RNF115: variants seen among roughly 807,000 people sequenced by gnomAD.
RNF115 encodes ring finger protein 115.
Under a neutral mutation model 39.2 loss-of-function variants are expected in RNF115, and 31 were observed. That is an observed-to-expected ratio of 0.79 (90% CI 0.59 to 1.07). The LOEUF (loss-of-function observed/expected upper bound fraction) is 1.07, where lower values mean the gene tolerates loss of function less well. Among genes scored for constraint, RNF115 ranks in the 50% least tolerant of loss-of-function variants. The pLI, the probability that RNF115 is intolerant of heterozygous loss-of-function variation, is 0.00. For synonymous variants in RNF115, 124 were observed against 131.0 expected, an observed-to-expected ratio of 0.95 and a Z score of 0.37; for missense variants, 384 against 381.7, an observed-to-expected ratio of 1.01 and a Z score of -0.05.
At chr1:145,798,444 G>A (rs1403623914) in intron 1 of RNF115, among the ~76,000 whole-genome samples, 6 of 152,160 alleles carry the variant, frequency 3.9e-5, no homozygotes, top group Admixed American at 3.9e-4. Context: ...TCCACAGAGG[G>A]GTCCTAGCAC....
At chr1:145,760,468 G>A (rs1182496553) in intron 4 of RNF115, among the ~76,000 whole-genome samples, 1 of 152,150 alleles carries the variant, frequency 6.6e-6, no homozygotes, top group Admixed American at 6.5e-5. Flanking sequence ...GAGGGACCCT[G>A]GGGGAGGTAA....
intron 5 of RNF115, 32 bp downstream of exon 5, chr1:145,752,946 T>C (rs782599869): frequency 1.0e-5 from 15 of 1,439,140 alleles, no homozygotes; most frequent in South Asian, 5.7e-5. Flanking sequence ...GTCACTCCAA[T>C]AGAGTAAGAT....
In RNF115 at chr1:145,759,002, A is replaced by G; in HGVS notation, c.429-5953T>C. ...TAGAAACTCACAGACGAGAAAAATC[A>G]ACCCACTGGGTCTGGAAGGGAAGTC... On this transcript the variant is annotated intron_variant, in intron 4 of 8. Coordinates refer to ENST00000582693, the MANE Select transcript of RNF115 (RefSeq NM_014455.4). 2.0e-5 allele frequency among the ~76,000 whole-genome samples: 3 copies of G among 152,356 alleles called. No individual in the cohort carries two copies. The Middle Eastern group carries it at 0.01, about 518-fold the overall frequency.
intron 1 of RNF115, among the ~76,000 whole-genome samples, chr1:145,804,484 AATGC>A (rs1159444200): frequency 1.6e-5 from 2 of 128,908 alleles, no homozygotes; most frequent in South Asian, 2.7e-4. Flanking sequence ...GTCCACCTTA[AATGC>A]ATGCATGCAT....
At chr1:145,796,634 G>A (rs1648994242) in intron 1 of RNF115, among the ~76,000 whole-genome samples, 1 of 151,986 alleles carries the variant, frequency 6.6e-6, no homozygotes, top group Non-Finnish European at 1.5e-5. Flanking sequence ...CAATCTGCCT[G>A]CCTCAGCCTC....
intron 1 of RNF115, among the ~76,000 whole-genome samples, chr1:145,814,943 AC>A (rs11318010): frequency 0.41 from 59,313 of 144,490 alleles, 8,910 homozygotes; most frequent in East Asian, 0.61. Flanking sequence ...AAATATAATT[AC>A]TGGGTGTTCA....
intron 1 of RNF115, among the ~76,000 whole-genome samples, chr1:145,803,383 C>T (rs1553721152): frequency 6.6e-6 from 1 of 152,050 alleles, no homozygotes; most frequent in Non-Finnish European, 1.5e-5. Flanking sequence ...TTCACATTCA[C>T]AACCTTTATT....
intron 4 of RNF115, among the ~76,000 whole-genome samples, chr1:145,765,133 C>G (rs1186406500): frequency 6.6e-6 from 1 of 152,182 alleles, no homozygotes; most frequent in African/African-American, 2.4e-5. Context: ...CAACCCTGTG[C>G]TCTCTGAAAC....
chr1:145,785,650 C>G (rs1571751398), intron 2 of RNF115, among the ~76,000 whole-genome samples: 1 of 152,164 alleles, frequency 6.6e-6, no homozygotes, highest in African/African-American at 2.4e-5. Context: ...AGTTCACAAA[C>G]TACTACAAAT....
At chr1:145,748,160 GA>G in intron 7 of RNF115, 50 bp from the exon 8 acceptor site, 1 of 1,309,102 alleles carries the variant, frequency 7.6e-7, no homozygotes, top group Non-Finnish European at 1.1e-6. Context: ...AAGGAAAGAA[GA>G]AAAAACTAAC....
At chr1:145,752,585 C>CTGTTTTT (rs1658131002) in intron 5 of RNF115, among the ~76,000 whole-genome samples, 1 of 83,784 alleles carries the variant, frequency 1.2e-5, no homozygotes, top group African/African-American at 5.7e-5. Flanking sequence ...CTATGCAGCT[C>CTGTTTTT]TTTTTTTTTT....
intron 4 of RNF115, among the ~76,000 whole-genome samples, chr1:145,769,500 C>T (rs1647536718): frequency 6.6e-6 from 1 of 152,044 alleles, no homozygotes; most frequent in Admixed American, 6.5e-5. Context: ...ATAAATAAAA[C>T]ACTACCCTAT....
intron 1 of RNF115, among the ~76,000 whole-genome samples, chr1:145,796,038 A>C (rs1648962717): frequency 6.6e-6 from 1 of 152,198 alleles, no homozygotes; most frequent in Non-Finnish European, 1.5e-5. Flanking sequence ...TCAAAAAACT[A>C]TCTCACTTCC....
At chr1:145,772,624 C>A (rs1341659075) in intron 3 of RNF115, 3 of 152,178 alleles carry the variant, frequency 2.0e-5, no homozygotes, top group African/African-American at 7.2e-5. Flanking sequence ...TTATATTTTA[C>A]AAGTTGCTTC....
Position 145,750,421 on chromosome 1 carries a change from G to A in RNF115, c.653C>T (p.Thr218Ile). The A allele has an allele frequency of 1.9e-6, 3 of 1,612,940 alleles. No individual in the cohort carries two copies. Among genetic ancestry groups the A allele is most frequent in the Non-Finnish European group, 2.5e-6 (3 of 1,179,022 alleles). ...AATGAACCTACCAACTTGTTCCTGA[G>A]TTACTGTCACTGTTGGAAGAGATGT... ...KITSLPTVTV[T>I]QEQVDMGLEC... Residue 218 changes from threonine (T) to isoleucine (I), a missense_variant, in exon 7 of 9, where the codon ACT becomes ATT. Coordinates refer to ENST00000582693, the MANE Select transcript of RNF115 (RefSeq NM_014455.4).
rs587620914 is a variant in RNF115 at position 145,823,866 on chromosome 1, T to G, written c.8A>C (p.Glu3Ala). The G allele has an allele frequency of 6.5e-7, 1 of 1,547,066 alleles. No homozygotes were observed. Among genetic ancestry groups the G allele is most frequent in the Admixed American group, 1.9e-5 (1 of 51,626 alleles). The change falls in exon 1 of 9, where the codon GAG (glutamate) becomes GCG (alanine). Residue 3 changes from glutamate to alanine, a missense_variant. Transcript: ENST00000582693. MA[E>A]ASAAGADSGA... The stretch of plus-strand genomic sequence containing the variant: ...CGAGTCCGCCCCGGCCGCCGAAGCC[T>G]CCGCCATTTTTGCCCTCCGCCGCGG...
chr1:145,770,040 T>A (rs909017902), intron 4 of RNF115, among the ~76,000 whole-genome samples: 5 of 152,182 alleles, frequency 3.3e-5, no homozygotes, highest in African/African-American at 9.7e-5. Context: ...GAGGTTTTAG[T>A]GCTCCTTGAC....
At position 145,750,484 on chromosome 1, in the gene RNF115, T is replaced by G; in HGVS notation, c.590A>C (p.Glu197Ala). ...AIVTQLLGQL[E>A]NTGPPPADKE... The stretch of plus-strand genomic sequence containing the variant: ...GTCAGCTGGGGGAGGGCCTGTGTTT[T>G]CCAGTTGTCCTAAAAGCTACAAAAA... The change falls in exon 7 of 9, where the codon GAA becomes GCA. Residue 197 changes from glutamate to alanine, a missense_variant. Transcript: ENST00000582693. The G allele has an allele frequency of 6.2e-7, 1 of 1,613,858 alleles. No homozygotes were observed. Among genetic ancestry groups the G allele is most frequent in the Non-Finnish European group, 8.5e-7 (1 of 1,179,802 alleles).
chr1:145,762,667 A>T (rs1461612423), intron 4 of RNF115, among the ~76,000 whole-genome samples: 4 of 151,682 alleles, frequency 2.6e-5, no homozygotes, highest in Non-Finnish European at 5.9e-5. Flanking sequence ...ACCAAAACAA[A>T]TTTTTTTTAA....
Sources: allele counts gnomAD v4.1 joint callset (sites outside exome capture counted in the v4.1 genomes callset), GRCh38; gene constraint gnomAD v4.1.1; transcripts MANE v1.5; gene names NCBI Gene and HGNC (gene_info 2026-07-23, HGNC 2026-07-21).